The following CRYBG1 variants were observed in gnomAD, a reference collection of about 807,000 sequenced individuals.
The protein encoded by CRYBG1 is crystallin beta-gamma domain containing 1, also known as beta/gamma crystallin domain-containing protein 1.
In CRYBG1, 139 loss-of-function variants were observed where a neutral mutation model predicts 189.2. The observed-to-expected ratio is 0.73, with a 90% confidence interval of 0.64 to 0.85. The LOEUF (loss-of-function observed/expected upper bound fraction) is 0.85, where lower values mean the gene tolerates loss of function less well. Among genes scored for constraint, CRYBG1 ranks in the 40% least tolerant of loss-of-function variants. The probability of loss-of-function intolerance (pLI) is 0.00; values close to 1 mark genes in which losing one functional copy is unlikely to be tolerated. For missense variants in CRYBG1, 2,611 were observed against 2,675.8 expected (o/e 0.98, Z 0.53); for synonymous variants, 1,023 against 1,017.1 (o/e 1.01, Z -0.11).
rs547398637 is a variant in CRYBG1 at position 106,543,400 on chromosome 6, A to G, written c.4882-40A>G. On this transcript the variant is annotated intron_variant, in intron 10 of 21. Coordinates refer to ENST00000633556, the MANE Select transcript of CRYBG1 (RefSeq NM_001371242.2). The stretch of plus-strand genomic sequence containing the variant: ...TGATTTAATGTTAAGCTGTTGGGAT[A>G]CTTCTTACAGATTACTGGTATATCT... 3 of 1,551,442 alleles carry G rather than the reference A, an allele frequency of 1.9e-6. No individual in the cohort carries two copies. The African/African-American group carries it at 4.1e-5, about 21-fold the overall frequency.
At chr6:106,373,614 A>G (rs1329855360) in intron 1 of CRYBG1, among the ~76,000 whole-genome samples, 1 of 152,218 alleles carries the variant, frequency 6.6e-6, no homozygotes, top group Non-Finnish European at 1.5e-5. Flanking sequence ...TTTTAAAATT[A>G]TGTTTAAGAA....
At chr6:106,481,226 G>T (rs902597265) in intron 2 of CRYBG1, among the ~76,000 whole-genome samples, 1 of 139,788 alleles carries the variant, frequency 7.2e-6, no homozygotes, top group South Asian at 2.3e-4. Flanking sequence ...CGCCCGCCTC[G>T]GCCTCCCAAA....
chr6:106,507,138 C>T (rs921329982), intron 2 of CRYBG1, among the ~76,000 whole-genome samples: 2 of 152,188 alleles, frequency 1.3e-5, no homozygotes, highest in Non-Finnish European at 2.9e-5. Context: ...GGCCTCTACA[C>T]GCTGCTGGAA....
intron 1 of CRYBG1, among the ~76,000 whole-genome samples, 164 bp downstream of exon 1, chr6:106,361,245 G>T (rs1385550474): frequency 2.0e-5 from 3 of 152,212 alleles, no homozygotes; most frequent in Non-Finnish European, 4.4e-5. Context: ...GATCGTAGCC[G>T]CTGGGGTTGA....
chr6:106,412,942 T>TAA (rs1198218086), intron 1 of CRYBG1, among the ~76,000 whole-genome samples: 3 of 136,922 alleles, frequency 2.2e-5, no homozygotes, highest in African/African-American at 9.4e-5. Context: ...GACAAATTCT[T>TAA]TAAAAAAAAA....
chr6:106,567,232 A>G (rs1774915056), intron 21 of CRYBG1, among the ~76,000 whole-genome samples: 1 of 146,406 alleles, frequency 6.8e-6, no homozygotes, highest in South Asian at 2.1e-4. Flanking sequence ...TCAGTGGAGT[A>G]TGCTGTGTGT....
intron 7 of CRYBG1, among the ~76,000 whole-genome samples, chr6:106,529,161 C>T (rs976861729): frequency 2.0e-5 from 3 of 152,082 alleles, no homozygotes; most frequent in Admixed American, 1.3e-4. Flanking sequence ...GGCCAGGCTG[C>T]TCTCGAACGC....
At position 106,464,492 on chromosome 6, in the gene CRYBG1, C is replaced by CAAA. The variant is rs5878893; in HGVS notation, c.312+12674_312+12676dup. ...TGGGCGACAGAGTGAGACTTTGTCT[C>CAAA]AAAAAAAAAAAAAAAATCTGAAAGT... On this transcript the variant is annotated intron_variant, in intron 2 of 21. Coordinates refer to ENST00000633556, the MANE Select transcript of CRYBG1 (RefSeq NM_001371242.2). 7.2e-3 allele frequency among the ~76,000 whole-genome samples: 993 copies of CAAA among 138,764 alleles called. 11 individuals are homozygous for CAAA. Among genetic ancestry groups the CAAA allele is most frequent in the African/African-American group, 0.022 (832 of 37,274 alleles). The allele number at this position is 138,764 out of a possible 152,430, so 91.0% of individuals were successfully genotyped here. A position where few individuals can be genotyped will look rare whatever the true frequency, so the allele number is the denominator to read the frequency against.
chr6:106,410,075 A>G (rs1172432788), intron 1 of CRYBG1, among the ~76,000 whole-genome samples: 1 of 152,222 alleles, frequency 6.6e-6, no homozygotes, highest in Non-Finnish European at 1.5e-5. Context: ...CTACCATCAG[A>G]GTGAACAGGC....
chr6:106,521,711 C>CTTTTTTTT lies in CRYBG1; in HGVS notation c.4245+276_4245+283dup, dbSNP rs397976859. Among the ~76,000 whole-genome samples, 52 of 72,188 alleles carry CTTTTTTTT rather than the reference C, an allele frequency of 7.2e-4. 3 individuals are homozygous for CTTTTTTTT. Among genetic ancestry groups the CTTTTTTTT allele is most frequent in the African/African-American group, 1.5e-3 (26 of 17,142 alleles). The allele number at this position is 72,188 out of a possible 152,430, so 47.4% of individuals were successfully genotyped here. On this transcript the variant is annotated intron_variant, in intron 4 of 21. Coordinates refer to ENST00000633556, the MANE Select transcript of CRYBG1 (RefSeq NM_001371242.2). ...CTACAAATGCTCTAAGGCACATGAT[C>CTTTTTTTT]TTTTTTTTTTTTTTTTTTTTTTTTT...
At chr6:106,543,873 G>A (rs1047436255) in intron 11 of CRYBG1, among the ~76,000 whole-genome samples, 1 of 152,294 alleles carries the variant, frequency 6.6e-6, no homozygotes, top group East Asian at 1.9e-4. Flanking sequence ...CCAACATGGG[G>A]AAACCCCATG....
At chr6:106,421,613 T>C (rs1340611) in intron 1 of CRYBG1, among the ~76,000 whole-genome samples, 17,866 of 152,120 alleles carry the variant, frequency 0.12, 1,122 homozygotes, top group African/African-American at 0.15. Flanking sequence ...TTGGACCCTG[T>C]CTCAGATGTG....
intron 1 of CRYBG1, among the ~76,000 whole-genome samples, chr6:106,392,526 G>A (rs1770528115): frequency 6.6e-6 from 1 of 152,316 alleles, no homozygotes; most frequent in African/African-American, 2.4e-5. Context: ...GTGCTAAGAG[G>A]GGAGTGGGGG....
intron 2 of CRYBG1, among the ~76,000 whole-genome samples, chr6:106,463,581 T>C (rs878919525): frequency 5.9e-5 from 9 of 152,238 alleles, no homozygotes; most frequent in Non-Finnish European, 1.0e-4. Flanking sequence ...TATAGATATG[T>C]GTGTGTATGA....
At chr6:106,403,673 C>T (rs1770765909) in intron 1 of CRYBG1, among the ~76,000 whole-genome samples, 2 of 152,124 alleles carry the variant, frequency 1.3e-5, no homozygotes, top group African/African-American at 2.4e-5. Context: ...CCTTACTAAG[C>T]GTGATGTGCT....
At chr6:106,371,778 T>C (rs1056081657) in intron 1 of CRYBG1, among the ~76,000 whole-genome samples, 5 of 152,250 alleles carry the variant, frequency 3.3e-5, no homozygotes, top group African/African-American at 4.8e-5. Context: ...CTCAAAAGTT[T>C]TGACCTTTAC....
chr6:106,533,946 A>G (rs1194146998), intron 8 of CRYBG1, among the ~76,000 whole-genome samples: 1 of 152,220 alleles, frequency 6.6e-6, no homozygotes, highest in Non-Finnish European at 1.5e-5. Flanking sequence ...GAGTGGGTGT[A>G]GTTAAGGGAA....
At chr6:106,409,720 C>G (rs1770890445) in intron 1 of CRYBG1, among the ~76,000 whole-genome samples, 1 of 152,128 alleles carries the variant, frequency 6.6e-6, no homozygotes, top group Admixed American at 6.6e-5. Flanking sequence ...AATAACACCT[C>G]ACATCTATAA....
At chr6:106,394,554 C>G (rs944194269) in intron 1 of CRYBG1, among the ~76,000 whole-genome samples, 2 of 152,182 alleles carry the variant, frequency 1.3e-5, no homozygotes, top group Admixed American at 1.3e-4. Context: ...GGCACATTGA[C>G]TTTTATTCCC....
Sources: allele counts gnomAD v4.1 joint callset (sites outside exome capture counted in the v4.1 genomes callset), GRCh38; gene constraint gnomAD v4.1.1; transcripts MANE v1.5; gene names NCBI Gene and HGNC (gene_info 2026-07-23, HGNC 2026-07-21).